Variants in EYS observed in about 807,000 individuals in gnomAD.
EYS encodes protein eyes shut homolog.
EYS carries 250 observed loss-of-function variants against 282.1 expected under a neutral mutation model. The ratio of observed to expected loss-of-function variants is 0.89; its 90% CI spans 0.80 to 0.98. The LOEUF (loss-of-function observed/expected upper bound fraction) is 0.98, where lower values mean the gene tolerates loss of function less well. Ranked by LOEUF, EYS falls within the 50% of genes least tolerant of loss-of-function variation. The pLI is 0.00. For synonymous variants in EYS, 1,355 were observed against 1,282.9 expected (o/e 1.06, Z -1.20); for missense variants, 4,016 against 3,709.0 (o/e 1.08, Z -2.15).
intron 12 of EYS, among the ~76,000 whole-genome samples, chr6:65,100,407 T>C (rs1004996685): frequency 6.6e-6 from 1 of 150,784 alleles, no homozygotes; most frequent in African/African-American, 2.4e-5. Flanking sequence ...CTAAGATGAA[T>C]GCACATTTTA....
At chr6:65,354,896 C>T (rs1365746414) in intron 8 of EYS, among the ~76,000 whole-genome samples, 1 of 151,504 alleles carries the variant, frequency 6.6e-6, no homozygotes, top group Admixed American at 6.6e-5. Flanking sequence ...TAAATGATTA[C>T]CAAAAAATAC....
intron 26 of EYS, among the ~76,000 whole-genome samples, chr6:64,582,584 CT>C (rs34078680): frequency 2.4e-3 from 329 of 139,500 alleles, no homozygotes; most frequent in African/African-American, 2.9e-3. Context: ...AATCCTTGGT[CT>C]TTTTTTTTTT....
chr6:64,187,132 TA>T (rs1764969085), intron 31 of EYS, among the ~76,000 whole-genome samples: 1 of 152,154 alleles, frequency 6.6e-6, no homozygotes, highest in Non-Finnish European at 1.5e-5. Flanking sequence ...CACGCCTTGT[TA>T]GCTTCCTCTT....
At position 65,115,629 on chromosome 6, in the gene EYS, G is replaced by C. The variant is rs534792913; in HGVS notation, c.2024-57902C>G. On this transcript the variant is annotated intron_variant, in intron 12 of 42. Transcript: ENST00000503581. ...CTTAAGATAATACTAATACCAATTA[G>C]AAATAGTCTATTGAGGATTTTTATA... Among the ~76,000 whole-genome samples, 17 of 152,094 alleles carry C rather than the reference G, an allele frequency of 1.1e-4. No individual in the cohort carries two copies. In the South Asian group the frequency reaches 3.5e-3, roughly 32 times the overall value.
chr6:65,671,980 TCA>T (rs1170856688), intron 1 of EYS, among the ~76,000 whole-genome samples: 1 of 152,036 alleles, frequency 6.6e-6, no homozygotes, highest in Non-Finnish European at 1.5e-5. Flanking sequence ...TAGCACACAC[TCA>T]GTTACCATCA....
At chr6:65,576,753 A>C (rs1422663789) in intron 2 of EYS, among the ~76,000 whole-genome samples, 1 of 151,898 alleles carries the variant, frequency 6.6e-6, no homozygotes, top group Non-Finnish European at 1.5e-5. Context: ...CAACATACAA[A>C]ATTGATTAGT....
chr6:65,319,999 A>G, intron 11 of EYS, among the ~76,000 whole-genome samples: 1 of 151,770 alleles, frequency 6.6e-6, no homozygotes. Flanking sequence ...CCTACCCTCT[A>G]AAGAGAGTCT....
chr6:65,597,844 T>C (rs1303444571), intron 2 of EYS, among the ~76,000 whole-genome samples: 3 of 152,098 alleles, frequency 2.0e-5, no homozygotes, highest in Non-Finnish European at 4.4e-5. Context: ...CTCACACCTG[T>C]AATCCCAATA....
intron 2 of EYS, among the ~76,000 whole-genome samples, chr6:65,618,490 C>A (rs1288712157): frequency 2.6e-5 from 4 of 152,086 alleles, no homozygotes; most frequent in African/African-American, 9.7e-5. Context: ...AAATTTTTTC[C>A]TATTTTGTAG....
intron 1 of EYS, among the ~76,000 whole-genome samples, chr6:65,682,197 G>A (rs947645552): frequency 1.3e-5 from 2 of 151,912 alleles, no homozygotes; most frequent in East Asian, 1.9e-4. Flanking sequence ...GAGCAATGAA[G>A]AGTGGTCCAG....
At chr6:64,844,240 A>G (rs1765652433) in intron 19 of EYS, among the ~76,000 whole-genome samples, 1 of 152,118 alleles carries the variant, frequency 6.6e-6, no homozygotes, top group Non-Finnish European at 1.5e-5. Flanking sequence ...GTATAAAGCA[A>G]TTTTGTGTAT....
chr6:63,944,764 A>G (rs1208976160), intron 35 of EYS, among the ~76,000 whole-genome samples: 1 of 151,896 alleles, frequency 6.6e-6, no homozygotes, highest in African/African-American at 2.4e-5. Context: ...CGTCTCTACT[A>G]AAAAAATAAA....
intron 22 of EYS, among the ~76,000 whole-genome samples, chr6:64,651,889 A>T (rs1768574796): frequency 6.6e-6 from 1 of 152,192 alleles, no homozygotes; most frequent in African/African-American, 2.4e-5. Flanking sequence ...TAAGATACCA[A>T]TCTTTATCAT....
chr6:65,225,620 A>G (rs1486617415), intron 12 of EYS, among the ~76,000 whole-genome samples: 2 of 151,524 alleles, frequency 1.3e-5, no homozygotes, highest in East Asian at 3.9e-4. Context: ...AGGCTGAGGC[A>G]GGAGAATTGC....
intron 26 of EYS, among the ~76,000 whole-genome samples, chr6:64,471,979 C>CAA (rs76610682): frequency 6.6e-6 from 1 of 151,738 alleles, no homozygotes; most frequent in Non-Finnish European, 1.5e-5. Flanking sequence ...GTTCCCAACA[C>CAA]AAAAAAAATT....
At position 64,300,884 on chromosome 6, in the gene EYS, G is replaced by C. The variant is rs1191028224; in HGVS notation, c.6191+6086C>G. 4.6e-5 allele frequency among the ~76,000 whole-genome samples: 7 copies of C among 152,116 alleles called. 1 individual carries two copies. Among genetic ancestry groups the C allele is most frequent in the Admixed American group, 4.6e-4 (7 of 15,280 alleles). Reference sequence around the variant, plus strand: ...CCAGGTTGCTGATTTCATTAAAAAGGGTGTCCTCAAGGGATGCTAAACAGT... The same window carrying C: ...CCAGGTTGCTGATTTCATTAAAAAGCGTGTCCTCAAGGGATGCTAAACAGT... On this transcript the variant is annotated intron_variant, in intron 30 of 42. Transcript: ENST00000503581.
At chr6:64,251,422 A>C (rs926096379) in intron 30 of EYS, among the ~76,000 whole-genome samples, 1 of 152,122 alleles carries the variant, frequency 6.6e-6, no homozygotes, top group Non-Finnish European at 1.5e-5. Flanking sequence ...CTATATAAGC[A>C]ATCTTGTTTT....
intron 28 of EYS, among the ~76,000 whole-genome samples, chr6:64,404,380 AGT>A (rs59373630): frequency 0.06 from 5,639 of 93,282 alleles, 187 homozygotes; most frequent in African/African-American, 0.1. Context: ...AGAGTGTGAG[AGT>A]GTGTGTGTGT....
chr6:64,885,429 G>A (rs2209032), intron 19 of EYS, among the ~76,000 whole-genome samples: 95 of 151,692 alleles, frequency 6.3e-4, no homozygotes, highest in African/African-American at 1.7e-3. Context: ...TACAAAATGT[G>A]TTTCTTAGTC....
Sources: gnomAD v4.1 joint callset for allele counts (sites outside exome capture counted in the v4.1 genomes callset) on GRCh38, gnomAD v4.1.1 for gene constraint, MANE v1.5 for transcripts, NCBI Gene and HGNC (gene_info 2026-07-23, HGNC 2026-07-21) for gene names.